Variants in ZFYVE26 observed in about 807,000 individuals in gnomAD.
ZFYVE26 encodes zinc finger FYVE-type containing 26.
Under a neutral mutation model 276.5 loss-of-function variants are expected in ZFYVE26, and 181 were observed. That is an observed-to-expected ratio of 0.65 (90% CI 0.58 to 0.74). ZFYVE26 has a LOEUF of 0.74. Among genes scored for constraint, ZFYVE26 ranks in the 30% least tolerant of loss-of-function variants. ZFYVE26 has a pLI of 0.00. For missense variants in ZFYVE26, 2,821 were observed against 3,097.9 expected (o/e 0.91, Z 2.12); for synonymous variants, 1,129 against 1,203.1 (o/e 0.94, Z 1.27).
At chr14:67,737,362 GA>G (rs2038364692) in intron 13 of ZFYVE26, among the ~76,000 whole-genome samples, 1 of 152,142 alleles carries the variant, frequency 6.6e-6, no homozygotes, top group Non-Finnish European at 1.5e-5. Flanking sequence ...GAGGCCTCAG[GA>G]AACTTACAAT....
intron 23 of ZFYVE26, among the ~76,000 whole-genome samples, chr14:67,778,740 T>G (rs2039419311): frequency 6.7e-6 from 1 of 150,350 alleles, no homozygotes; most frequent in Non-Finnish European, 1.5e-5. Context: ...CCCCAATTTG[T>G]GAACTGTAGA....
At chr14:67,757,600 T>A (rs759441160) in intron 35 of ZFYVE26, among the ~76,000 whole-genome samples, 1 of 152,210 alleles carries the variant, frequency 6.6e-6, no homozygotes, top group South Asian at 2.1e-4. Flanking sequence ...TTATTTCTCA[T>A]GTTTACTATC....
In ZFYVE26 at chr14:67,807,299, T is replaced by C. The variant is rs2040201076; in HGVS notation, c.886+99A>G. On this transcript the variant is annotated intron_variant, in intron 5 of 41. Transcript: ENST00000347230. Reference sequence around the variant, plus strand: ...TTTTTGCTTAGCCTCCCCTATTAGATGTCCTGAGCCACACGGAAGGCAGCA... The same window carrying C: ...TTTTTGCTTAGCCTCCCCTATTAGACGTCCTGAGCCACACGGAAGGCAGCA... 2.6e-6 allele frequency: 4 copies of C among 1,527,010 alleles called. No individual in the cohort carries two copies. The South Asian group carries it at 3.4e-5, about 13-fold the overall frequency. The allele number at this position is 1,527,010 out of a possible 1,614,324, so 94.6% of individuals were successfully genotyped here.
rs899525353 is a variant in ZFYVE26, at chr14:67,803,406, A to G, written c.1435+695T>C. Among the ~76,000 whole-genome samples the G allele has an allele frequency of 2.6e-5, 4 of 152,148 alleles. No individual in the cohort carries two copies. The East Asian group carries it at 7.7e-4, about 29-fold the overall frequency. On this transcript the variant is annotated intron_variant, in intron 9 of 41. Transcript: ENST00000347230. ...CCCCAGGCTGGAGTACAGTGGCACC[A>G]TCTTGGCTGACTGCAACCTCCACCT...
intron 3 of ZFYVE26, 26 bp downstream of exon 3, chr14:67,813,960 G>A: frequency 1.9e-6 from 3 of 1,577,886 alleles, no homozygotes; most frequent in Non-Finnish European, 2.6e-6. Context: ...TGGCCTCGGA[G>A]GAAAATTTAA....
chr14:67,805,615 T>C lies in ZFYVE26; in HGVS notation c.1021A>G (p.Thr341Ala). 1.2e-6 allele frequency: 2 copies of C among 1,613,900 alleles called. No individual in the cohort carries two copies. Among genetic ancestry groups the C allele is most frequent in the South Asian group, 2.2e-5 (2 of 91,082 alleles). ...NKHFLEQILV[T>A]ALTLLKEEDF... ...TCTTCTTTCAACAATGTTAGTGCTG[T>C]TACCTGTAAGTCAAAGAAAGCTGTT... The change falls in exon 7 of 42, where the codon ACA (threonine) becomes GCA (alanine). Residue 341 changes from threonine (T) to alanine (A), a missense_variant. Thr to Ala is a moderately conservative substitution (Grantham distance 58). Transcript: ENST00000347230.
At chr14:67,805,381 C>A in intron 7 of ZFYVE26, 73 bp downstream of exon 7, 1 of 1,613,266 alleles carries the variant, frequency 6.2e-7, no homozygotes, top group Non-Finnish European at 8.5e-7. Flanking sequence ...TTTTAGGGCT[C>A]TGCATTCAGC....
At chr14:67,770,771 CTCTT>C (rs2039189191) in intron 28 of ZFYVE26, among the ~76,000 whole-genome samples, 1 of 152,154 alleles carries the variant, frequency 6.6e-6, no homozygotes, top group Admixed American at 6.5e-5. Flanking sequence ...AGATTAGAAA[CTCTT>C]TCTATAATCT....
rs764574834 is a variant in ZFYVE26, at chr14:67,798,497, G to C, written c.1765C>G (p.Leu589Val). 1 of 1,614,188 alleles carries C rather than the reference G, an allele frequency of 6.2e-7. No individual in the cohort carries two copies. Among genetic ancestry groups the C allele is most frequent in the Non-Finnish European group, 8.5e-7 (1 of 1,180,048 alleles). ...TCAGGCAAGTGAGGCTCTGGGTGAAGATCAGCAGAGGTGATGAGAAGCAAT... is the reference window on the plus strand; with the variant it reads ...TCAGGCAAGTGAGGCTCTGGGTGAACATCAGCAGAGGTGATGAGAAGCAAT... ...FSLLLITSAD[L>V]HPEPHLPEDY... Residue 589 changes from leucine to valine, a missense_variant, in exon 11 of 42, where the codon CTT becomes GTT. Coordinates refer to ENST00000347230, the MANE Select transcript of ZFYVE26 (RefSeq NM_015346.4).
At chr14:67,779,430 T>C (rs1489869531) in intron 23 of ZFYVE26, among the ~76,000 whole-genome samples, 1 of 152,042 alleles carries the variant, frequency 6.6e-6, no homozygotes, top group Non-Finnish European at 1.5e-5. Context: ...CTGGGCGTGG[T>C]GGCTGCCTGT....
At chr14:67,795,960 T>C (rs1196744363) in intron 12 of ZFYVE26, among the ~76,000 whole-genome samples, 1 of 152,098 alleles carries the variant, frequency 6.6e-6, no homozygotes, top group African/African-American at 2.4e-5. Context: ...ACTGAAGCAA[T>C]GAAACATCAC....
chr14:67,790,840 G>A, intron 14 of ZFYVE26, 67 bp from the exon 15 acceptor site: 1 of 1,454,736 alleles, frequency 6.9e-7, no homozygotes, highest in Non-Finnish European at 9.7e-7. Context: ...CCATGGATAG[G>A]AGATCTTGCC....
chr14:67,778,123 T>C lies in ZFYVE26; in HGVS notation c.4797+3A>G, dbSNP rs1482229535. 1.9e-6 allele frequency: 3 copies of C among 1,614,080 alleles called. No individual in the cohort carries two copies. Among genetic ancestry groups the C allele is most frequent in the Non-Finnish European group, 2.5e-6 (3 of 1,180,030 alleles). On this transcript the variant is annotated splice_donor_region_variant and intron_variant, in intron 24 of 41. Transcript: ENST00000347230. ...AGAAAAATGGAAAGAACTGGGGGCT[T>C]ACTTGCAGAGCCTTGTCATGATCTC... is the stretch of plus-strand genomic sequence containing the variant.
intron 14 of ZFYVE26, among the ~76,000 whole-genome samples, chr14:67,791,082 CAAT>C (rs1443051618): frequency 6.6e-6 from 1 of 152,012 alleles, no homozygotes; most frequent in African/African-American, 2.4e-5. Context: ...ATTTAAGTAA[CAAT>C]AACATTTTGC....
intron 29 of ZFYVE26, 88 bp downstream of exon 29, chr14:67,769,506 C>T: frequency 6.3e-7 from 1 of 1,577,656 alleles, no homozygotes; most frequent in Non-Finnish European, 8.7e-7. Flanking sequence ...ATTTGAAATG[C>T]TCTCATAATG....
At chr14:67,771,109 G>A (rs1177731892) in intron 28 of ZFYVE26, among the ~76,000 whole-genome samples, 1 of 152,064 alleles carries the variant, frequency 6.6e-6, no homozygotes, top group Non-Finnish European at 1.5e-5. Flanking sequence ...TTTCTTCCCT[G>A]AACTTCTCCC....
At chr14:67,778,494 A>G (rs2039412230) in intron 23 of ZFYVE26, among the ~76,000 whole-genome samples, 2 of 152,264 alleles carry the variant, frequency 1.3e-5, no homozygotes, top group African/African-American at 4.8e-5. Flanking sequence ...GAAGTGGGAA[A>G]GACTGAAAAG....
intron 28 of ZFYVE26, among the ~76,000 whole-genome samples, chr14:67,771,033 G>A (rs554064658): frequency 5.3e-5 from 8 of 151,820 alleles, no homozygotes; most frequent in Non-Finnish European, 7.4e-5. Context: ...AGGTAAACTC[G>A]TGACTCAGGG....
Position 67,776,120 on chromosome 14 carries a change from A to C in ZFYVE26, c.4975-14T>G. 1 of 1,614,018 alleles carries C rather than the reference A, an allele frequency of 6.2e-7. No homozygotes were observed. Among genetic ancestry groups the C allele is most frequent in the Admixed American group, 1.7e-5 (1 of 60,026 alleles). On this transcript the variant is annotated splice_polypyrimidine_tract_variant and intron_variant, in intron 25 of 41. Coordinates refer to ENST00000347230, the MANE Select transcript of ZFYVE26 (RefSeq NM_015346.4). ...GGTCAGCAGAATCTGTTTGTGGGGT[A>C]GATCCATAGAGTAAAGAAAATAGTA...
Sources: allele counts gnomAD v4.1 joint callset (sites outside exome capture counted in the v4.1 genomes callset), GRCh38; gene constraint gnomAD v4.1.1; transcripts MANE v1.5; gene names NCBI Gene and HGNC (gene_info 2026-07-23, HGNC 2026-07-21).